Variants in SETD3 observed in about 807,000 individuals in gnomAD.
The protein encoded by SETD3 is actin-histidine N-methyltransferase.
In SETD3, 19 loss-of-function variants were observed where a neutral mutation model predicts 63.0. That is an observed-to-expected ratio of 0.30 (90% CI 0.21 to 0.44). SETD3 has a LOEUF of 0.44. Ranked by LOEUF, SETD3 falls within the 20% of genes least tolerant of loss-of-function variation. SETD3 has a pLI of 1.00. For missense variants in SETD3, 587 were observed against 728.5 expected (o/e 0.81, Z 2.24); for synonymous variants, 286 against 264.1 (o/e 1.08, Z -0.80).
At chr14:99,418,753 CAG>C (rs754448085) in intron 6 of SETD3, among the ~76,000 whole-genome samples, 3 of 151,904 alleles carry the variant, frequency 2.0e-5, no homozygotes, top group Non-Finnish European at 4.4e-5. Context: ...AGAATGGGAG[CAG>C]AGAGAGAGTA....
At chr14:99,461,825 A>G (rs1895078707) in intron 3 of SETD3, among the ~76,000 whole-genome samples, 1 of 152,224 alleles carries the variant, frequency 6.6e-6, no homozygotes, top group African/African-American at 2.4e-5. Flanking sequence ...AAAACTGTAG[A>G]GCTGTAAGCC....
At chr14:99,412,771 GA>G (rs1892068128) in intron 8 of SETD3, 179 bp downstream of exon 8, 3 of 571,102 alleles carry the variant, frequency 5.3e-6, no homozygotes, top group Non-Finnish European at 9.5e-6. Context: ...TGCAGTAAAA[GA>G]AAAATACCAG....
intron 6 of SETD3, among the ~76,000 whole-genome samples, chr14:99,452,744 G>A (rs539040096): frequency 1.2e-4 from 19 of 152,260 alleles, no homozygotes; most frequent in African/African-American, 4.1e-4. Flanking sequence ...GATCACCACC[G>A]GGGATGCACA....
chr14:99,461,387 A>C (rs373855694), intron 3 of SETD3, 47 bp from the exon 4 acceptor site: 1 of 1,577,132 alleles, frequency 6.3e-7, no homozygotes, highest in Admixed American at 1.8e-5. Flanking sequence ...TTTAGGACAC[A>C]TATCATTCAC....
At chr14:99,428,079 G>A (rs1010172135) in intron 6 of SETD3, among the ~76,000 whole-genome samples, 2 of 152,248 alleles carry the variant, frequency 1.3e-5, no homozygotes, top group Non-Finnish European at 2.9e-5. Context: ...TGCAATGCCA[G>A]TGCAGTCCCA....
At chr14:99,442,508 T>C (rs1893882970) in intron 6 of SETD3, among the ~76,000 whole-genome samples, 1 of 152,192 alleles carries the variant, frequency 6.6e-6, no homozygotes, top group Non-Finnish European at 1.5e-5. Flanking sequence ...TTCTTCCAGA[T>C]CTGCCACTCC....
chr14:99,435,736 C>A (rs893107712), intron 6 of SETD3, among the ~76,000 whole-genome samples: 4 of 128,570 alleles, frequency 3.1e-5, no homozygotes, highest in Non-Finnish European at 4.7e-5. Context: ...GGTTCCCCAC[C>A]CCCCCACCTT....
At chr14:99,403,903 G>A (rs527546320) in intron 11 of SETD3, among the ~76,000 whole-genome samples, 9 of 152,284 alleles carry the variant, frequency 5.9e-5, no homozygotes, top group Non-Finnish European at 1.0e-4. Flanking sequence ...CTAGTGCCCC[G>A]TGAGTGAAAT....
At chr14:99,446,776 G>A (rs1460436246) in intron 6 of SETD3, among the ~76,000 whole-genome samples, 5 of 152,038 alleles carry the variant, frequency 3.3e-5, no homozygotes, top group African/African-American at 1.2e-4. Context: ...AAGGGTCAGC[G>A]AGGAAGACAG....
intron 6 of SETD3, among the ~76,000 whole-genome samples, chr14:99,427,887 C>T (rs1379946018): frequency 6.6e-6 from 1 of 152,150 alleles, no homozygotes; most frequent in Non-Finnish European, 1.5e-5. Flanking sequence ...CTGGCAATGA[C>T]TCACAGAGGA....
intron 6 of SETD3, among the ~76,000 whole-genome samples, chr14:99,439,425 T>C (rs1220957973): frequency 3.3e-5 from 5 of 152,160 alleles, no homozygotes; most frequent in Admixed American, 6.5e-5. Flanking sequence ...CTCGTCAACA[T>C]TTCCTGTTTG....
chr14:99,462,172 T>C (rs972055936), intron 3 of SETD3, among the ~76,000 whole-genome samples: 5 of 152,146 alleles, frequency 3.3e-5, no homozygotes, highest in African/African-American at 1.2e-4. Flanking sequence ...TGGGTGAGAA[T>C]AAAAGAAAGG....
chr14:99,449,964 T>C (rs1894364428), intron 6 of SETD3, among the ~76,000 whole-genome samples: 1 of 152,204 alleles, frequency 6.6e-6, no homozygotes, highest in Non-Finnish European at 1.5e-5. Context: ...TACCTCACAC[T>C]TAAGATAAAC....
At chr14:99,419,087 C>T (rs2139657893) in intron 6 of SETD3, among the ~76,000 whole-genome samples, 1 of 152,304 alleles carries the variant, frequency 6.6e-6, no homozygotes, top group Non-Finnish European at 1.5e-5. Flanking sequence ...ACATGGTTCA[C>T]ATGTTCAGCT....
At chr14:99,405,484 G>C (rs777867842) in intron 9 of SETD3, 113 bp from the exon 10 acceptor site, 77 of 1,102,256 alleles carry the variant, frequency 7.0e-5, no homozygotes, top group Non-Finnish European at 8.8e-5. Flanking sequence ...CTAAATAGCT[G>C]AAAGTATTGA....
chr14:99,479,733 A>T (rs1896165331), intron 1 of SETD3, among the ~76,000 whole-genome samples: 1 of 152,226 alleles, frequency 6.6e-6, no homozygotes, highest in Non-Finnish European at 1.5e-5. Flanking sequence ...CTCTTCGAGG[A>T]TTCTTAAAAG....
chr14:99,424,869 C>T (rs890711342), intron 6 of SETD3, among the ~76,000 whole-genome samples: 1 of 152,132 alleles, frequency 6.6e-6, no homozygotes, highest in Non-Finnish European at 1.5e-5. Flanking sequence ...CTGTGCCTTT[C>T]TCCAGGCAGG....
chr14:99,465,408 GCTT>G lies in SETD3; in HGVS notation c.103+292_103+294del, dbSNP rs564595013. Reference sequence around the variant, plus strand: ...CGGCACACTGTGAAAAAGCAGTAGAGCTTCTTCTCGCCCACAGGTCCTCAGGGA... The same window carrying G: ...CGGCACACTGTGAAAAAGCAGTAGAGCTTCTCGCCCACAGGTCCTCAGGGA... On this transcript the variant is annotated intron_variant, in intron 2 of 12. Transcript: ENST00000331768. Among the ~76,000 whole-genome samples the G allele has an allele frequency of 1.3e-4, 20 of 152,344 alleles. 1 individual carries two copies. The South Asian group carries it at 3.7e-3, about 28-fold the overall frequency.
chr14:99,439,919 G>A (rs557344080), intron 6 of SETD3, among the ~76,000 whole-genome samples: 1 of 151,872 alleles, frequency 6.6e-6, no homozygotes, highest in East Asian at 1.9e-4. Flanking sequence ...AGTCTGCTAA[G>A]TAGCTCTACA....
Sources: gnomAD v4.1 joint callset for allele counts (sites outside exome capture counted in the v4.1 genomes callset) on GRCh38, gnomAD v4.1.1 for gene constraint, MANE v1.5 for transcripts, NCBI Gene and HGNC (gene_info 2026-07-23, HGNC 2026-07-21) for gene names.